Variants in LRP8 observed in about 807,000 individuals in gnomAD.
LRP8 encodes the protein LDL receptor related protein 8, also known as low-density lipoprotein receptor-related protein 8.
A neutral mutation model predicts 111.6 loss-of-function variants in LRP8; 46 were observed. The ratio of observed to expected loss-of-function variants is 0.41; its 90% CI spans 0.33 to 0.53. The LOEUF (loss-of-function observed/expected upper bound fraction) is 0.53. LRP8 is among the 20% of genes least tolerant of loss of function. The pLI, the probability that LRP8 is intolerant of heterozygous loss-of-function variation, is 0.20. For missense variants in LRP8, 959 were observed against 1,297.4 expected (o/e 0.74, Z 4.01); for synonymous variants, 464 against 511.2 (o/e 0.91, Z 1.24).
chr1:53,286,048 T>C (rs1050183062), intron 3 of LRP8, among the ~76,000 whole-genome samples: 7 of 152,198 alleles, frequency 4.6e-5, no homozygotes, highest in Admixed American at 2.6e-4. Flanking sequence ...GCAATGTCTG[T>C]TAAAGAATGA....
chr1:53,322,064 G>A (rs1349173528), intron 2 of LRP8, among the ~76,000 whole-genome samples: 1 of 152,110 alleles, frequency 6.6e-6, no homozygotes, highest in Non-Finnish European at 1.5e-5. Flanking sequence ...GGGTTGGCCT[G>A]CAAAGACCAG....
In LRP8 at chr1:53,275,249, G is replaced by A. The variant is rs1646881753; in HGVS notation, c.1006+382C>T. ...ATGAGGGTCCCTGCTCCTGCAGAGG[G>A]CAGGTGGTGACCAGAAGAACCATCT... On this transcript the variant is annotated intron_variant, in intron 6 of 18. Coordinates refer to ENST00000306052, the MANE Select transcript of LRP8 (RefSeq NM_004631.5). This position sits in a 1 kb window ranked among gnomAD's most constrained non-coding sequence, Gnocchi z 4.4. Among the ~76,000 whole-genome samples the A allele has an allele frequency of 6.6e-6, 1 of 152,212 alleles. No individual in the cohort carries two copies. Among genetic ancestry groups the A allele is most frequent in the Admixed American group, 6.5e-5 (1 of 15,294 alleles).
Position 53,262,477 on chromosome 1 carries a change from G to A in LRP8, c.1743C>T (p.Asp581=), listed in dbSNP as rs777079201. 1 of 1,614,224 alleles carries A rather than the reference G, an allele frequency of 6.2e-7. No homozygotes were observed. Among genetic ancestry groups the A allele is most frequent in the Non-Finnish European group, 8.5e-7 (1 of 1,180,048 alleles). The change falls in exon 11 of 19, where the codon GAC becomes GAT. Residue 581 remains aspartate (D), a synonymous_variant. Coordinates refer to ENST00000306052, the MANE Select transcript of LRP8 (RefSeq NM_004631.5). The surrounding 1 kb of genome is among the most constrained non-coding windows in gnomAD (Gnocchi z 4.8). ...TGATTCCGTTGGGCCATTCAATATT[G>A]TCTGACACCAGTGTTTGCCGGTCCA... The part of the protein sequence containing the change: ...NGVDRQTLVS[D]NIEWPNGITL...
chr1:53,272,970 C>A (rs1175089509), intron 6 of LRP8, among the ~76,000 whole-genome samples: 1 of 152,114 alleles, frequency 6.6e-6, no homozygotes, highest in Non-Finnish European at 1.5e-5. Flanking sequence ...GTGGGATGGC[C>A]CTGAAAGGGG....
At position 53,250,773 on chromosome 1, in the gene LRP8, C is replaced by T. The variant is rs1468224655; in HGVS notation, c.2593G>A (p.Val865Ile). The T allele has an allele frequency of 6.2e-7, 1 of 1,614,150 alleles. No homozygotes were observed. Among genetic ancestry groups the T allele is most frequent in the South Asian group, 1.1e-5 (1 of 91,086 alleles). ...TCTTCTTCTGTTGTTTTCCTGTAGA[C>T]TGGGTTGTCAAAATTCATGCTTTTG... Reference protein sequence around the residue: ...NTKSMNFDNPVYRKTTEEEDE... With the variant: ...NTKSMNFDNPIYRKTTEEEDE... The change falls in exon 17 of 19, where the codon GTC becomes ATC. Residue 865 changes from valine to isoleucine, a missense_variant. Around this residue, in one of 3 missense-constraint regions of LRP8, gnomAD observed 819 missense variants for 1,097.6 expected, o/e 0.75. Transcript: ENST00000306052. The surrounding 1 kb of genome is among the most constrained non-coding windows in gnomAD (Gnocchi z 4.6).
intron 18 of LRP8, among the ~76,000 whole-genome samples, chr1:53,247,642 A>G (rs970071990): frequency 6.6e-6 from 1 of 152,224 alleles, no homozygotes; most frequent in African/African-American, 2.4e-5. Context: ...GACCATGGGA[A>G]GGTGAGCCCA....
intron 2 of LRP8, among the ~76,000 whole-genome samples, chr1:53,299,040 A>G (rs923373341): frequency 6.6e-6 from 1 of 152,250 alleles, no homozygotes; most frequent in Non-Finnish European, 1.5e-5. Context: ...CTCTGCAGCC[A>G]GGGCCAAGGA....
In LRP8 at chr1:53,266,506, T is replaced by A; in HGVS notation, c.1394A>T (p.Tyr465Phe). Residue 465 changes from tyrosine to phenylalanine, a missense_variant, in exon 9 of 19, where the codon TAC (tyrosine) becomes TTC (phenylalanine). By Grantham distance (22) the Tyr-to-Phe change is conservative. Transcript: ENST00000306052. The surrounding 1 kb of genome is among the most constrained non-coding windows in gnomAD (Gnocchi z 5.0). ...CTTACGGTAGGAGAGGTCACACCAG[T>A]AGATGCGATTGGTGGCAACTTCCAC... Reference protein sequence around the residue: ...LDVEVATNRIYWCDLSYRKIY... With the variant: ...LDVEVATNRIFWCDLSYRKIY... 6.2e-7 allele frequency: 1 copy of A among 1,614,168 alleles called. No homozygotes were observed. The highest frequency in any genetic ancestry group is 1.1e-5 in the South Asian group (1 of 91,084).
At chr1:53,305,766 C>T (rs1330229745) in intron 2 of LRP8, 2 of 152,422 alleles carry the variant, frequency 1.3e-5, no homozygotes, top group Admixed American at 6.5e-5. Context: ...CCTGCCCCCA[C>T]ACTAGTCTCT....
At chr1:53,281,795 A>G (rs924666277) in intron 3 of LRP8, among the ~76,000 whole-genome samples, 1 of 152,240 alleles carries the variant, frequency 6.6e-6, no homozygotes, top group African/African-American at 2.4e-5. Flanking sequence ...CTGTAAAGCA[A>G]GCACCTAGAA....
intron 2 of LRP8, among the ~76,000 whole-genome samples, chr1:53,301,056 T>C (rs915577603): frequency 6.6e-6 from 1 of 151,904 alleles, no homozygotes; most frequent in African/African-American, 2.4e-5. Flanking sequence ...TGGGCCAGTG[T>C]AGTCAGCACC....
intron 2 of LRP8, among the ~76,000 whole-genome samples, chr1:53,316,121 G>A (rs985536854): frequency 6.6e-6 from 1 of 152,198 alleles, no homozygotes; most frequent in Admixed American, 6.5e-5. Flanking sequence ...ACTTTACATA[G>A]GCCAGGAATT....
chr1:53,250,942 C>T lies in LRP8; in HGVS notation c.2504-80G>A. The T allele has an allele frequency of 5.6e-6, 7 of 1,246,946 alleles. No homozygotes were observed. The South Asian group carries it at 7.6e-5, about 13-fold the overall frequency. The allele number at this position is 1,246,946 out of a possible 1,614,324, so 77.2% of individuals were successfully genotyped here. Reference sequence around the variant, plus strand: ...GACATCTGTACAAGGCTTGTCACCACTCCACTTTTACTACCCTTTGCTCCT... The same window carrying T: ...GACATCTGTACAAGGCTTGTCACCATTCCACTTTTACTACCCTTTGCTCCT... On this transcript the variant is annotated intron_variant, in intron 16 of 18. Transcript: ENST00000306052. This position sits in a 1 kb window ranked among gnomAD's most constrained non-coding sequence, Gnocchi z 4.6.
rs546038226 is a variant in LRP8 at position 53,301,778 on chromosome 1, C to G, written c.245-12089G>C. ...TGTCCCAAGGTCATGTAGCTTGAGG[C>G]AGGACCAGAACGCAGGTTGTTTCAT... On this transcript the variant is annotated intron_variant, in intron 2 of 18. Coordinates refer to ENST00000306052, the MANE Select transcript of LRP8 (RefSeq NM_004631.5). Among the ~76,000 whole-genome samples, 23 of 151,676 alleles carry G rather than the reference C, an allele frequency of 1.5e-4. 1 individual carries two copies. The Middle Eastern group carries it at 0.011, about 70-fold the overall frequency.
At chr1:53,255,051 T>C (rs12116501) in intron 16 of LRP8, 66 bp downstream of exon 16, 60,654 of 1,540,952 alleles carry the variant, frequency 0.039, 1,432 homozygotes, top group Non-Finnish European at 0.046. Flanking sequence ...TCTACCCTGC[T>C]AGCGCTCTTC....
chr1:53,290,239 G>C (rs1288509), intron 2 of LRP8, among the ~76,000 whole-genome samples: 58,429 of 151,938 alleles, frequency 0.38, 15,117 homozygotes, highest in African/African-American at 0.73. Flanking sequence ...CCTGCCCCCC[G>C]GTGCCTACAG....
chr1:53,262,009 C>T lies in LRP8; in HGVS notation c.1914+59G>A. ...GTCTCAGGGACTCATCCTATTTGAA[C>T]AAGCATTTTCTAGGCTTCAGCTTCC... On this transcript the variant is annotated intron_variant, in intron 12 of 18. Transcript: ENST00000306052. The surrounding 1 kb of genome is among the most constrained non-coding windows in gnomAD (Gnocchi z 4.8). The T allele has an allele frequency of 6.3e-7, 1 of 1,588,974 alleles. No individual in the cohort carries two copies.
chr1:53,249,665 A>C lies in LRP8; in HGVS notation c.2677-109T>G. On this transcript the variant is annotated intron_variant, in intron 17 of 18. Coordinates refer to ENST00000306052, the MANE Select transcript of LRP8 (RefSeq NM_004631.5). The surrounding 1 kb of genome is among the most constrained non-coding windows in gnomAD (Gnocchi z 4.1). The stretch of plus-strand genomic sequence containing the variant: ...GCCACTTTGTGGTCCTCATTCCCCC[A>C]AAAAGCCATGCTGTGTTGTACCTTC... 3.5e-6 allele frequency: 5 copies of C among 1,424,140 alleles called. No individual in the cohort carries two copies. Among genetic ancestry groups the C allele is most frequent in the South Asian group, 1.5e-5 (1 of 65,850 alleles). 88.2% of individuals were successfully genotyped at this position (1,424,140 alleles called of 1,614,324 possible).
At chr1:53,278,915 AT>A (rs530331555) in intron 4 of LRP8, among the ~76,000 whole-genome samples, 1,597 of 132,942 alleles carry the variant, frequency 0.012, 16 homozygotes, top group African/African-American at 0.033. Flanking sequence ...CGCCCGGCTA[AT>A]TTTTTTTTTT....
Sources: allele counts gnomAD v4.1 joint callset (sites outside exome capture counted in the v4.1 genomes callset), GRCh38; gene constraint gnomAD v4.1.1; regional missense constraint gnomAD v4.1.1; non-coding constraint Gnocchi (gnomAD v3.1); transcripts MANE v1.5; gene names NCBI Gene and HGNC (gene_info 2026-07-23, HGNC 2026-07-21).